STK32C: variants seen among roughly 807,000 people sequenced by gnomAD.
The protein encoded by STK32C is serine/threonine-protein kinase 32C.
A neutral mutation model predicts 56.5 loss-of-function variants in STK32C; 31 were observed. The ratio of observed to expected loss-of-function variants is 0.55; its 90% CI spans 0.41 to 0.74. STK32C has a LOEUF of 0.74. Ranked by LOEUF, STK32C falls within the 30% of genes least tolerant of loss-of-function variation. STK32C has a pLI of 0.00. For missense variants in STK32C, 544 were observed against 676.9 expected, an observed-to-expected ratio of 0.80 and a Z score of 2.18; for synonymous variants, 309 against 289.4, an observed-to-expected ratio of 1.07 and a Z score of -0.69.
chr10:132,275,982 G>T (rs1465840574), intron 1 of STK32C, among the ~76,000 whole-genome samples: 1 of 152,124 alleles, frequency 6.6e-6, no homozygotes, highest in Non-Finnish European at 1.5e-5. Flanking sequence ...CTGGCATGCG[G>T]AACGGTCACA....
chr10:132,307,955 G>A (rs117640338), upstream of STK32C: 215,407 of 1,032,942 alleles, frequency 0.21, 24,481 homozygotes, highest in Non-Finnish European at 0.23. The surrounding 1 kb of genome is among the most constrained non-coding windows in gnomAD (Gnocchi z 4.4). Flanking sequence ...TCTTCTGGGC[G>A]GTGGAACCCG....
intron 1 of STK32C, among the ~76,000 whole-genome samples, chr10:132,283,337 T>C (rs558206279): frequency 4.6e-5 from 7 of 152,320 alleles, no homozygotes; most frequent in African/African-American, 1.7e-4. Context: ...CCCTGTGAAA[T>C]CTGAGCGGAG....
At chr10:132,250,092 G>A (rs554592719) in intron 1 of STK32C, among the ~76,000 whole-genome samples, 1 of 152,390 alleles carries the variant, frequency 6.6e-6, no homozygotes, top group East Asian at 1.9e-4. Context: ...TGTCTACGGA[G>A]TCCATCAAAC....
chr10:132,300,675 G>A (rs1310851241), intron 1 of STK32C, among the ~76,000 whole-genome samples: 1 of 152,202 alleles, frequency 6.6e-6, no homozygotes, highest in African/African-American at 2.4e-5. Context: ...ACTGGGAGAG[G>A]GGAGGGGCCT....
intron 1 of STK32C, among the ~76,000 whole-genome samples, chr10:132,301,378 G>A (rs751603947): frequency 6.6e-6 from 1 of 152,250 alleles, no homozygotes; most frequent in African/African-American, 2.4e-5. Flanking sequence ...AAGAGCCGAG[G>A]GGCTCAAGAG....
intron 10 of STK32C, among the ~76,000 whole-genome samples, chr10:132,213,434 G>A (rs1419985759): frequency 1.3e-5 from 2 of 152,218 alleles, no homozygotes; most frequent in African/African-American, 4.8e-5. Context: ...GAGGATTTAG[G>A]CAAGCCCAAG....
intron 1 of STK32C, among the ~76,000 whole-genome samples, chr10:132,303,010 C>T (rs533417893): frequency 1.3e-5 from 2 of 152,298 alleles, no homozygotes; most frequent in Non-Finnish European, 2.9e-5. Flanking sequence ...CAAGAGGCAG[C>T]GAAGTCTCAG....
intron 1 of STK32C, among the ~76,000 whole-genome samples, chr10:132,266,249 T>C (rs1011745050): frequency 5.9e-5 from 9 of 152,134 alleles, no homozygotes; most frequent in African/African-American, 1.7e-4. Context: ...CGTCGTGCGA[T>C]TCTGTTTGTG....
At chr10:132,285,186 T>A (rs1187902124) in intron 1 of STK32C, among the ~76,000 whole-genome samples, 1 of 151,664 alleles carries the variant, frequency 6.6e-6, no homozygotes, top group African/African-American at 2.4e-5. Context: ...CAGAACACAT[T>A]CCCACACCTG....
chr10:132,251,591 G>A (rs2063907911), intron 1 of STK32C, among the ~76,000 whole-genome samples: 1 of 152,132 alleles, frequency 6.6e-6, no homozygotes, highest in South Asian at 2.1e-4. Context: ...CACCCCAAGA[G>A]GGTGGTGGGT....
chr10:132,239,808 T>C (rs67094141), intron 2 of STK32C, among the ~76,000 whole-genome samples: 5,280 of 152,276 alleles, frequency 0.035, 128 homozygotes, highest in Middle Eastern at 0.071. Flanking sequence ...TCACGGCACA[T>C]AGGCCCGGGT....
At chr10:132,223,885 A>T (rs551203900) in intron 8 of STK32C, among the ~76,000 whole-genome samples, 1 of 152,290 alleles carries the variant, frequency 6.6e-6, no homozygotes, top group East Asian at 1.9e-4. Context: ...CTAGCACCAG[A>T]TCACAAATGG....
chr10:132,307,646 T>G lies in STK32C; in HGVS notation c.188A>C (p.Lys63Thr). The G allele has an allele frequency of 3.9e-6, 6 of 1,534,388 alleles. No individual in the cohort carries two copies. Among genetic ancestry groups the G allele is most frequent in the Non-Finnish European group, 3.5e-6 (4 of 1,141,468 alleles). The stretch of plus-strand genomic sequence containing the variant: ...GGACGAGCCCATCCTCTTCTTCCAC[T>G]TGCTCCACTGAAACAGGGGGCGCGG... ...SQPRPLFQWS[K>T]WKKRMGSSMS... The change falls in exon 1 of 12, where the codon AAG (lysine) becomes ACG (threonine). Residue 63 changes from lysine to threonine, a missense_variant. Lys to Thr is a moderately conservative substitution (Grantham distance 78). This residue lies in a region of STK32C where 182 missense variants were observed against 217.7 expected (regional missense o/e 0.84). Coordinates refer to ENST00000298630, the MANE Select transcript of STK32C (RefSeq NM_173575.4). This position sits in a 1 kb window ranked among gnomAD's most constrained non-coding sequence, Gnocchi z 4.4.
At chr10:132,265,158 T>C (rs34154642) in intron 1 of STK32C, among the ~76,000 whole-genome samples, 28,116 of 126,510 alleles carry the variant, frequency 0.22, 4,380 homozygotes, top group Non-Finnish European at 0.32. Flanking sequence ...CTGGGGGAGC[T>C]GCCAGGGCGG....
intron 1 of STK32C, among the ~76,000 whole-genome samples, chr10:132,254,975 C>G (rs914725624): frequency 6.6e-6 from 1 of 151,954 alleles, no homozygotes; most frequent in South Asian, 2.1e-4. Context: ...CCCTTCACAG[C>G]CCACCCCACC....
At chr10:132,308,132 G>A (rs2066143503), upstream of STK32C, among the ~76,000 whole-genome samples, 2 of 151,468 alleles carry the variant, frequency 1.3e-5, no homozygotes, top group African/African-American at 2.4e-5. Context: ...GGCGGGGCAG[G>A]GGCGGGGCTA....
At chr10:132,216,346 C>T (rs1264279641) in intron 10 of STK32C, among the ~76,000 whole-genome samples, 2 of 151,948 alleles carry the variant, frequency 1.3e-5, no homozygotes, top group African/African-American at 2.4e-5. Context: ...TGCCTGTAAT[C>T]CCAGCTACTT....
upstream of STK32C, among the ~76,000 whole-genome samples, chr10:132,312,141 G>A (rs568030259): frequency 2.0e-5 from 3 of 152,188 alleles, no homozygotes; most frequent in Admixed American, 6.5e-5. Context: ...TGAGTAGCTC[G>A]GACCATAGAT....
At chr10:132,316,546 G>A (rs1187588977) in intron 1 of STK32C, among the ~76,000 whole-genome samples, 1 of 152,202 alleles carries the variant, frequency 6.6e-6, no homozygotes, top group East Asian at 1.9e-4. Context: ...TTGAGACTGG[G>A]AGGTTGAGGC....
Sources: allele counts gnomAD v4.1 joint callset (sites outside exome capture counted in the v4.1 genomes callset), GRCh38; gene constraint gnomAD v4.1.1; regional missense constraint gnomAD v4.1.1; non-coding constraint Gnocchi (gnomAD v3.1); transcripts MANE v1.5; gene names NCBI Gene and HGNC (gene_info 2026-07-23, HGNC 2026-07-21).